PCSK2: variants seen among roughly 807,000 people sequenced by gnomAD.
The protein encoded by PCSK2 is proprotein convertase subtilisin/kexin type 2, also known as neuroendocrine convertase 2.
PCSK2 carries 14 observed loss-of-function variants against 69.7 expected under a neutral mutation model. That is an observed-to-expected ratio of 0.20 (90% CI 0.13 to 0.31). The LOEUF (loss-of-function observed/expected upper bound fraction) is 0.31. Ranked by LOEUF, PCSK2 falls within the 10% of genes least tolerant of loss-of-function variation. PCSK2 has a pLI of 1.00. For synonymous variants in PCSK2, 307 were observed against 320.7 expected (o/e 0.96, Z 0.46); for missense variants, 544 against 842.5 (o/e 0.65, Z 4.39).
intron 2 of PCSK2, among the ~76,000 whole-genome samples, chr20:17,267,635 T>C (rs1016772482): frequency 9.9e-5 from 15 of 152,118 alleles, no homozygotes; most frequent in South Asian, 2.1e-4. Flanking sequence ...TGCTAATGAG[T>C]AAGCCTGGTT....
rs778203328 is a variant in PCSK2 at position 17,482,071 on chromosome 20, C to T, written c.*1C>T. 2.5e-5 allele frequency: 39 copies of T among 1,559,482 alleles called. No individual in the cohort carries two copies. Among genetic ancestry groups the T allele is most frequent in the Non-Finnish European group, 2.9e-5 (34 of 1,154,112 alleles). Reference sequence around the variant, plus strand: ...GAAAAGCATCCTTAACAAGAACTAGCGCTGCACATCCGCCTTTCCCACCGC... The same window carrying T: ...GAAAAGCATCCTTAACAAGAACTAGTGCTGCACATCCGCCTTTCCCACCGC... On this transcript the variant is annotated 3_prime_UTR_variant, in exon 12 of 12. Coordinates refer to ENST00000262545, the MANE Select transcript of PCSK2 (RefSeq NM_002594.5).
At chr20:17,481,518 C>A in intron 11 of PCSK2, 66 bp from the exon 12 acceptor site, 1 of 1,503,574 alleles carries the variant, frequency 6.7e-7, no homozygotes, top group African/African-American at 1.4e-5. Context: ...CTGAAGCTGC[C>A]CTCAAAATCC....
At chr20:17,372,385 TAATAAATA>T (rs58399065) in intron 5 of PCSK2, among the ~76,000 whole-genome samples, 3,062 of 141,898 alleles carry the variant, frequency 0.022, 38 homozygotes, top group Admixed American at 0.038. Flanking sequence ...TCTTGAAAAA[TAATAAATA>T]AATAAATAAA....
intron 2 of PCSK2, among the ~76,000 whole-genome samples, chr20:17,330,891 C>A (rs937274590): frequency 6.6e-6 from 1 of 152,100 alleles, no homozygotes; most frequent in Non-Finnish European, 1.5e-5. Context: ...AGGCAGGAAG[C>A]AGAAGCATAG....
intron 2 of PCSK2, among the ~76,000 whole-genome samples, chr20:17,336,394 C>G (rs78736414): frequency 1.3e-5 from 2 of 152,196 alleles, no homozygotes; most frequent in South Asian, 4.1e-4. Context: ...AATACCTTCT[C>G]TGGGTCCCTA....
At chr20:17,369,128 C>A in intron 4 of PCSK2, 112 bp from the exon 5 acceptor site, 2 of 863,012 alleles carry the variant, frequency 2.3e-6, no homozygotes, top group South Asian at 1.4e-5. Flanking sequence ...ACCCCCATGG[C>A]AAGCCTTCTG....
chr20:17,310,384 T>C (rs1989467455), intron 2 of PCSK2, among the ~76,000 whole-genome samples: 1 of 152,128 alleles, frequency 6.6e-6, no homozygotes, highest in Admixed American at 6.6e-5. Context: ...CATGATAATA[T>C]TTTCTTATGT....
intron 5 of PCSK2, among the ~76,000 whole-genome samples, chr20:17,400,517 GT>G (rs1203393595): frequency 5.9e-5 from 9 of 151,962 alleles, no homozygotes; most frequent in African/African-American, 2.2e-4. Context: ...ATATCTAAGA[GT>G]CCCCTATACA....
intron 2 of PCSK2, among the ~76,000 whole-genome samples, chr20:17,348,099 G>GAAAGA (rs777048937): frequency 5.3e-4 from 71 of 133,188 alleles, no homozygotes; most frequent in South Asian, 7.4e-4. Flanking sequence ...AAGAAAGAAA[G>GAAAGA]AAAGAAAAGA....
intron 6 of PCSK2, 121 bp from the exon 7 acceptor site, chr20:17,429,313 AG>A: frequency 1.4e-6 from 1 of 719,534 alleles, no homozygotes; most frequent in Non-Finnish European, 2.5e-6. Context: ...TCAGTGACAC[AG>A]GGTTTACTTG....
chr20:17,267,734 A>T (rs184332855), intron 2 of PCSK2, among the ~76,000 whole-genome samples: 121 of 152,040 alleles, frequency 8.0e-4, no homozygotes, highest in African/African-American at 2.5e-3. Context: ...AAAAGTGGGA[A>T]CTCTCTGGGA....
At position 17,227,060 on chromosome 20, in the gene PCSK2, A is replaced by G. The variant is rs936221343; in HGVS notation, c.-246A>G. 2 of 515,914 alleles carry G rather than the reference A, an allele frequency of 3.9e-6. No individual in the cohort carries two copies. The highest frequency in any genetic ancestry group is 6.9e-6 in the Non-Finnish European group (2 of 291,842). The allele number at this position is 515,914 out of a possible 1,614,324, so 32.0% of individuals were successfully genotyped here. Reference sequence around the variant, plus strand: ...CACTCGCTCTTTCTCTCCGGTACACACAGCTCCCCACATTCGCACCCCTGC... The same window carrying G: ...CACTCGCTCTTTCTCTCCGGTACACGCAGCTCCCCACATTCGCACCCCTGC... On this transcript the variant is annotated 5_prime_UTR_variant, in exon 1 of 12. Coordinates refer to ENST00000262545, the MANE Select transcript of PCSK2 (RefSeq NM_002594.5).
At chr20:17,442,207 T>C (rs1009379289) in intron 8 of PCSK2, among the ~76,000 whole-genome samples, 1 of 151,672 alleles carries the variant, frequency 6.6e-6, no homozygotes, top group African/African-American at 2.4e-5. Context: ...AGGAATGGAA[T>C]TGAATCTATT....
At chr20:17,232,501 T>C (rs574865074) in intron 1 of PCSK2, among the ~76,000 whole-genome samples, 2 of 152,370 alleles carry the variant, frequency 1.3e-5, no homozygotes, top group African/African-American at 4.8e-5. Flanking sequence ...TTGTTTCAGA[T>C]GCTTTGTCCT....
chr20:17,361,173 T>C (rs539023124), intron 4 of PCSK2, among the ~76,000 whole-genome samples: 2 of 152,340 alleles, frequency 1.3e-5, no homozygotes, highest in South Asian at 4.1e-4. Context: ...ATAGTTACAT[T>C]AGCGTGACTC....
At chr20:17,454,848 C>T (rs2032890635) in intron 9 of PCSK2, among the ~76,000 whole-genome samples, 1 of 152,194 alleles carries the variant, frequency 6.6e-6, no homozygotes, top group Admixed American at 6.5e-5. Context: ...CACGCTCCCA[C>T]GTGGGATCCC....
At chr20:17,359,691 C>T (rs748927168) in intron 3 of PCSK2, among the ~76,000 whole-genome samples, 1 of 152,316 alleles carries the variant, frequency 6.6e-6, no homozygotes, top group South Asian at 2.1e-4. Flanking sequence ...AGAAAGAGCA[C>T]AGTAAATTTT....
rs180804389 is a variant in PCSK2 at position 17,387,563 on chromosome 20, A to G, written c.543+18286A>G. Among the ~76,000 whole-genome samples the G allele has an allele frequency of 1.8e-3, 271 of 152,304 alleles. 2 individuals are homozygous for G. The highest frequency in any genetic ancestry group is 6.3e-3 in the African/African-American group (261 of 41,582). On this transcript the variant is annotated intron_variant, in intron 5 of 11. Transcript: ENST00000262545. ...CAAACTGCTTGAGCATCCTCATGAC[A>G]TGATAGCTGACTTCACCCAGAGCAA...
intron 2 of PCSK2, among the ~76,000 whole-genome samples, chr20:17,313,828 A>C (rs1263044955): frequency 2.0e-5 from 3 of 152,222 alleles, no homozygotes; most frequent in Non-Finnish European, 2.9e-5. Context: ...AGCCCATTGA[A>C]AAATCCAGCC....
Sources: allele counts gnomAD v4.1 joint callset (sites outside exome capture counted in the v4.1 genomes callset), GRCh38; gene constraint gnomAD v4.1.1; transcripts MANE v1.5; gene names NCBI Gene and HGNC (gene_info 2026-07-23, HGNC 2026-07-21).